Variants in PTPN22 observed in about 807,000 individuals in gnomAD.
PTPN22 encodes tyrosine-protein phosphatase non-receptor type 22.
Under a neutral mutation model 103.3 loss-of-function variants are expected in PTPN22, and 85 were observed. That is an observed-to-expected ratio of 0.82 (90% CI 0.69 to 0.99). The LOEUF (loss-of-function observed/expected upper bound fraction) is 0.99. Among genes scored for constraint, PTPN22 ranks in the 50% least tolerant of loss-of-function variants. PTPN22 has a pLI of 0.00. For synonymous variants in PTPN22, 323 were observed against 310.2 expected, an observed-to-expected ratio of 1.04 and a Z score of -0.43; for missense variants, 865 against 936.9, an observed-to-expected ratio of 0.92 and a Z score of 1.00.
intron 20 of PTPN22, among the ~76,000 whole-genome samples, chr1:113,818,655 G>A (rs1661353732): frequency 6.6e-6 from 1 of 152,136 alleles, no homozygotes; most frequent in South Asian, 2.1e-4. Context: ...TTGTGTGTAG[G>A]CAATTTTGTC....
At chr1:113,838,346 A>C in exon 13 of PTPN22, 2 of 1,601,364 alleles carry the variant, frequency 1.2e-6, no homozygotes, top group Non-Finnish European at 1.7e-6. Flanking sequence ...TCAAAGGAAG[A>C]AGATTCTTTG....
intron 15 of PTPN22, 89 bp from the exon 16 acceptor site, chr1:113,833,227 T>A (rs1351515844): frequency 2.2e-6 from 2 of 921,004 alleles, no homozygotes; most frequent in Non-Finnish European, 3.3e-6. Flanking sequence ...TTTGAACTTA[T>A]ATGTAATATA....
At chr1:113,868,125 T>C (rs999348347) in intron 1 of PTPN22, among the ~76,000 whole-genome samples, 1 of 152,200 alleles carries the variant, frequency 6.6e-6, no homozygotes, top group Admixed American at 6.5e-5. Flanking sequence ...CCATAGTTGG[T>C]TGAATCCAAG....
chr1:113,854,113 C>G (rs1217409), intron 9 of PTPN22, among the ~76,000 whole-genome samples: 86,059 of 151,718 alleles, frequency 0.57, 25,256 homozygotes, highest in African/African-American at 0.66. Flanking sequence ...TGATCCACCT[C>G]CCTCGGCCTC....
intron 1 of PTPN22, among the ~76,000 whole-genome samples, chr1:113,862,438 A>C (rs1051560021): frequency 6.6e-6 from 1 of 152,134 alleles, no homozygotes; most frequent in African/African-American, 2.4e-5. Flanking sequence ...AGATGATACT[A>C]CCCCTTTCGT....
intron 11 of PTPN22, among the ~76,000 whole-genome samples, chr1:113,847,185 T>C (rs1664157297): frequency 6.6e-6 from 1 of 151,376 alleles, no homozygotes; most frequent in Non-Finnish European, 1.5e-5. Context: ...TATTTTTAAG[T>C]TCTAAAATTT....
chr1:113,819,775 A>C (rs1304045346), intron 19 of PTPN22, 121 bp from the exon 20 acceptor site: 3 of 538,590 alleles, frequency 5.6e-6, no homozygotes, highest in Non-Finnish European at 3.0e-6. Flanking sequence ...TCACTGTCAA[A>C]TGTTAACAAA....
chr1:113,820,365 C>T (rs1661486162), intron 19 of PTPN22, among the ~76,000 whole-genome samples: 1 of 151,958 alleles, frequency 6.6e-6, no homozygotes, highest in African/African-American at 2.4e-5. Context: ...GGCTGAGGCA[C>T]AAAAATTGAT....
intron 1 of PTPN22, among the ~76,000 whole-genome samples, chr1:113,869,551 C>T (rs1227632017): frequency 3.9e-5 from 6 of 151,910 alleles, no homozygotes; most frequent in African/African-American, 1.2e-4. Context: ...CCTGCCACCA[C>T]GCCCAGCTAA....
At chr1:113,843,286 ATG>A (rs35997994) in intron 11 of PTPN22, among the ~76,000 whole-genome samples, 44,501 of 149,618 alleles carry the variant, frequency 0.3, 6,706 homozygotes, top group South Asian at 0.4. Context: ...GATAAACAAA[ATG>A]TGTGTGTGTG....
At chr1:113,816,303 T>C (rs561527204) in intron 20 of PTPN22, among the ~76,000 whole-genome samples, 1 of 151,798 alleles carries the variant, frequency 6.6e-6, no homozygotes, top group Non-Finnish European at 1.5e-5. Flanking sequence ...TGAAACCTTG[T>C]CTCTACAAAA....
chr1:113,817,647 G>A (rs979658894), intron 20 of PTPN22, among the ~76,000 whole-genome samples: 7 of 151,946 alleles, frequency 4.6e-5, no homozygotes, highest in Admixed American at 4.6e-4. Context: ...GAGTCTCACT[G>A]TGTTGCTTAG....
At chr1:113,832,073 A>T (rs1253342518) in intron 16 of PTPN22, among the ~76,000 whole-genome samples, 2 of 152,244 alleles carry the variant, frequency 1.3e-5, no homozygotes, top group Non-Finnish European at 2.9e-5. Context: ...ATAAATGAGA[A>T]AAATAGAAGG....
exon 8 of PTPN22, chr1:113,854,956 C>T (rs767153762): frequency 1.1e-5 from 18 of 1,611,746 alleles, no homozygotes; most frequent in African/African-American, 2.7e-5. Context: ...TAACAACGTA[C>T]ATCCCAGATG....
chr1:113,815,223 G>T (rs575251303), intron 20 of PTPN22, among the ~76,000 whole-genome samples: 48 of 152,130 alleles, frequency 3.2e-4, no homozygotes, highest in Admixed American at 2.0e-3. Context: ...TAGAATGTAG[G>T]ACCCTGGTTA....
intron 1 of PTPN22, among the ~76,000 whole-genome samples, chr1:113,871,109 C>A (rs17510162): frequency 0.15 from 23,315 of 152,060 alleles, 2,021 homozygotes; most frequent in East Asian, 0.22. Context: ...CCTTTGTCAA[C>A]CAAATAGAAT....
intron 1 of PTPN22, chr1:113,864,251 G>A (rs2102175794): frequency 2.2e-6 from 1 of 454,014 alleles, no homozygotes; most frequent in Admixed American, 2.4e-5. Context: ...CTGGCCAGGT[G>A]TGGTGGCTCA....
chr1:113,848,593 C>A lies in PTPN22; in HGVS notation c.862G>T (p.Glu288Ter). 1 of 1,613,514 alleles carries A rather than the reference C, an allele frequency of 6.2e-7. No individual in the cohort carries two copies. Among genetic ancestry groups the A allele is most frequent in the South Asian group, 1.1e-5 (1 of 91,078 alleles). The change falls in exon 11 of 21, where the codon GAA becomes TAA. Residue 288 changes from glutamate to a stop codon, truncating the protein, a stop_gained. Coordinates refer to ENST00000359785, the Ensembl canonical transcript of PTPN22. LOFTEE classifies it high-confidence loss of function. ...ACATCCATCTGTCTCTTAAATAGTT[C>A]TAATACAGCATTGTAGACCAGTTCA... is the stretch of plus-strand genomic sequence containing the variant.
At chr1:113,861,718 C>T (rs1665621428) in intron 1 of PTPN22, among the ~76,000 whole-genome samples, 1 of 152,046 alleles carries the variant, frequency 6.6e-6, no homozygotes, top group Non-Finnish European at 1.5e-5. Context: ...CTGCCAGACT[C>T]CCGGGCTCCA....
Sources: allele counts gnomAD v4.1 joint callset (sites outside exome capture counted in the v4.1 genomes callset), GRCh38; gene constraint gnomAD v4.1.1; transcripts MANE v1.5; gene names NCBI Gene and HGNC (gene_info 2026-07-23, HGNC 2026-07-21).